TXNRD1: variants seen among roughly 807,000 people sequenced by gnomAD.
TXNRD1 encodes thioredoxin reductase 1, also known as thioredoxin reductase 1, cytoplasmic.
Under a neutral mutation model 80.3 loss-of-function variants are expected in TXNRD1, and 57 were observed. That is an observed-to-expected ratio of 0.71 (90% CI 0.57 to 0.89). The LOEUF is 0.89. TXNRD1 is among the 40% of genes least tolerant of loss of function. The pLI is 0.00. For missense variants in TXNRD1, 730 were observed against 803.0 expected (o/e 0.91, Z 1.10); for synonymous variants, 291 against 285.2 (o/e 1.02, Z -0.20).
chr12:104,311,597 A>G (rs2035134777), intron 5 of TXNRD1, among the ~76,000 whole-genome samples, 185 bp downstream of exon 5: 1 of 152,268 alleles, frequency 6.6e-6, no homozygotes, highest in Non-Finnish European at 1.5e-5. Flanking sequence ...TTTCCAGATT[A>G]AAATATACAT....
At chr12:104,302,690 C>T (rs969843586) in intron 4 of TXNRD1, among the ~76,000 whole-genome samples, 10 of 151,448 alleles carry the variant, frequency 6.6e-5, no homozygotes, top group African/African-American at 2.4e-4. Context: ...GGGGTTTCAC[C>T]GGGTTAGCCA....
intron 6 of TXNRD1, 53 bp downstream of exon 6, chr12:104,313,370 G>A: frequency 1.4e-6 from 2 of 1,400,948 alleles, no homozygotes; most frequent in South Asian, 1.4e-5. Context: ...TTTTCCCCTG[G>A]CAATAATCTA....
At chr12:104,217,318 G>GT (rs59546712) in intron 1 of TXNRD1, among the ~76,000 whole-genome samples, 4,254 of 126,086 alleles carry the variant, frequency 0.034, 206 homozygotes, top group African/African-American at 0.12. Context: ...TAACAATTTT[G>GT]TTTTTTTTTT....
At chr12:104,273,441 A>G (rs1369163172) in intron 3 of TXNRD1, among the ~76,000 whole-genome samples, 2 of 152,026 alleles carry the variant, frequency 1.3e-5, no homozygotes, top group African/African-American at 4.8e-5. Context: ...AAAAATACAA[A>G]AATTAGCCAG....
chr12:104,234,339 G>A (rs1240542992), intron 1 of TXNRD1, among the ~76,000 whole-genome samples: 4 of 152,178 alleles, frequency 2.6e-5, no homozygotes, highest in Non-Finnish European at 5.9e-5. Context: ...CTGTCACCCA[G>A]GCTGGAGTGC....
At chr12:104,230,079 A>AT (rs1354304848) in intron 1 of TXNRD1, among the ~76,000 whole-genome samples, 2 of 150,072 alleles carry the variant, frequency 1.3e-5, no homozygotes, top group Admixed American at 6.6e-5. Context: ...CATTTTTTTC[A>AT]TTTTTTTTGA....
At chr12:104,222,523 A>G (rs758737387) in intron 1 of TXNRD1, among the ~76,000 whole-genome samples, 2 of 152,248 alleles carry the variant, frequency 1.3e-5, no homozygotes, top group Non-Finnish European at 2.9e-5. Context: ...CTAGTACAGT[A>G]GTTACAAAGC....
intron 2 of TXNRD1, among the ~76,000 whole-genome samples, chr12:104,256,700 A>AC (rs1451783784): frequency 6.7e-5 from 10 of 148,934 alleles, no homozygotes; most frequent in African/African-American, 2.5e-4. Flanking sequence ...ACTCGCCTGA[A>AC]CCCGGGGAGG....
At chr12:104,308,915 T>TTTTA (rs2035029673) in intron 4 of TXNRD1, among the ~76,000 whole-genome samples, 1 of 151,062 alleles carries the variant, frequency 6.6e-6, no homozygotes. Flanking sequence ...TTTTTTTTTT[T>TTTTA]GAGACGGAGT....
chr12:104,299,181 T>C (rs757829642), intron 4 of TXNRD1, among the ~76,000 whole-genome samples: 2 of 152,146 alleles, frequency 1.3e-5, no homozygotes, highest in African/African-American at 2.4e-5. Context: ...TATAAGTGGA[T>C]CTGTGCAATT....
intron 1 of TXNRD1, among the ~76,000 whole-genome samples, chr12:104,246,763 C>T (rs183446681): frequency 1.2e-3 from 185 of 151,938 alleles, no homozygotes; most frequent in African/African-American, 4.0e-3. Context: ...CTTTGTGATC[C>T]GCCCGCCTCG....
chr12:104,279,267 A>G (rs1263861204), intron 3 of TXNRD1, among the ~76,000 whole-genome samples: 2 of 152,236 alleles, frequency 1.3e-5, no homozygotes, highest in Non-Finnish European at 2.9e-5. Context: ...AATACTCATA[A>G]AAGTATGATT....
chr12:104,288,807 G>A, intron 3 of TXNRD1, 124 bp from the exon 4 acceptor site: 3 of 1,597,742 alleles, frequency 1.9e-6, no homozygotes, highest in African/African-American at 2.7e-5. Flanking sequence ...AACTTGCAAG[G>A]GAGTCAACAG....
At chr12:104,266,492 C>T (rs1467093753) in intron 3 of TXNRD1, among the ~76,000 whole-genome samples, 1 of 145,640 alleles carries the variant, frequency 6.9e-6, no homozygotes, top group African/African-American at 2.6e-5. Context: ...CGCCACTGCA[C>T]TCCAGTCTGG....
At chr12:104,310,839 T>G (rs1276310888) in intron 4 of TXNRD1, among the ~76,000 whole-genome samples, 2 of 152,232 alleles carry the variant, frequency 1.3e-5, no homozygotes, top group Non-Finnish European at 2.9e-5. Flanking sequence ...ACAGTTTTGT[T>G]CTGAATTTTT....
intron 3 of TXNRD1, among the ~76,000 whole-genome samples, chr12:104,268,530 A>C (rs536688025): frequency 6.6e-6 from 1 of 152,050 alleles, no homozygotes; most frequent in African/African-American, 2.4e-5. Flanking sequence ...GTCTCAAAAA[A>C]AAAGAAAGAA....
chr12:104,258,258 T>G, intron 3 of TXNRD1, 179 bp downstream of exon 3: 1 of 551,242 alleles, frequency 1.8e-6, no homozygotes, highest in South Asian at 2.4e-5. Context: ...ATATTCACCT[T>G]TAGCCTTTAC....
At chr12:104,244,228 C>G (rs759426283) in intron 1 of TXNRD1, among the ~76,000 whole-genome samples, 31 of 152,170 alleles carry the variant, frequency 2.0e-4, no homozygotes, top group Admixed American at 5.2e-4. Context: ...GGGTGAGAGT[C>G]AGTGGTTTTG....
Position 104,334,974 on chromosome 12 carries a change from T to C in TXNRD1, c.1746+642T>C, listed in dbSNP as rs576874580. Among the ~76,000 whole-genome samples, 11 of 152,276 alleles carry C rather than the reference T, an allele frequency of 7.2e-5. No homozygotes were observed. In the South Asian group the frequency reaches 2.3e-3, roughly 32 times the overall value. On this transcript the variant is annotated intron_variant, in intron 15 of 16. Coordinates refer to ENST00000525566, the MANE Select transcript of TXNRD1 (RefSeq NM_001093771.3). ...GAATAACAAAAAAGAACAGGAGCAA[T>C]GCACGTTTGATCCTCAGCAGCTGGC... is the stretch of plus-strand genomic sequence containing the variant.
Sources: allele counts gnomAD v4.1 joint callset (sites outside exome capture counted in the v4.1 genomes callset), GRCh38; gene constraint gnomAD v4.1.1; transcripts MANE v1.5; gene names NCBI Gene and HGNC (gene_info 2026-07-23, HGNC 2026-07-21).